Variants in ARHGAP42 observed in about 807,000 individuals in gnomAD.
ARHGAP42 encodes rho GTPase-activating protein 42.
ARHGAP42 carries 63 observed loss-of-function variants against 125.0 expected under a neutral mutation model. The ratio of observed to expected loss-of-function variants is 0.50; its 90% confidence interval spans 0.41 to 0.62. ARHGAP42 has a LOEUF of 0.62. Among genes scored for constraint, ARHGAP42 ranks in the 20% least tolerant of loss-of-function variants. The pLI is 0.00. For synonymous variants in ARHGAP42, 339 were observed against 351.0 expected (o/e 0.97, Z 0.38); for missense variants, 766 against 1,024.2 (o/e 0.75, Z 3.44).
At chr11:100,944,101 A>G (rs529036807) in intron 10 of ARHGAP42, among the ~76,000 whole-genome samples, 2 of 152,220 alleles carry the variant, frequency 1.3e-5, no homozygotes, top group East Asian at 1.9e-4. Flanking sequence ...AAAAATCAAT[A>G]TAAATGACTG....
chr11:100,980,846 C>T (rs1476408406), intron 22 of ARHGAP42, among the ~76,000 whole-genome samples: 15 of 152,226 alleles, frequency 9.9e-5, no homozygotes, highest in Non-Finnish European at 4.4e-5. Context: ...GCTGGGATTA[C>T]AGGCATGAGC....
chr11:100,734,506 C>G (rs1193670239), intron 1 of ARHGAP42, among the ~76,000 whole-genome samples: 1 of 152,160 alleles, frequency 6.6e-6, no homozygotes, highest in East Asian at 1.9e-4. Flanking sequence ...GTCTCGAACT[C>G]CAGACCTCAG....
chr11:100,764,606 T>G lies in ARHGAP42; in HGVS notation c.155-5737T>G, dbSNP rs942555441. On this transcript the variant is annotated intron_variant, in intron 1 of 23. Coordinates refer to ENST00000298815, the MANE Select transcript of ARHGAP42 (RefSeq NM_152432.4). Reference sequence around the variant, plus strand: ...AAGTAGTAAAACATTGTTGTCATCATCATTATTTCTGAAAGTGAATAACTT... The same window carrying G: ...AAGTAGTAAAACATTGTTGTCATCAGCATTATTTCTGAAAGTGAATAACTT... 4.6e-5 allele frequency among the ~76,000 whole-genome samples: 7 copies of G among 152,336 alleles called. No homozygotes were observed. The East Asian group carries it at 1.2e-3, about 25-fold the overall frequency.
At chr11:100,721,239 T>G (rs1187497996) in intron 1 of ARHGAP42, among the ~76,000 whole-genome samples, 1 of 152,180 alleles carries the variant, frequency 6.6e-6, no homozygotes, top group African/African-American at 2.4e-5. Flanking sequence ...ACCCTTCAAT[T>G]CCCTTGTTCT....
intron 2 of ARHGAP42, among the ~76,000 whole-genome samples, chr11:100,793,364 C>T (rs1381365908): frequency 6.6e-6 from 1 of 152,160 alleles, no homozygotes; most frequent in Non-Finnish European, 1.5e-5. Context: ...TGTATTATAA[C>T]ATTAATACCA....
chr11:100,867,474 A>G (rs1255382024), intron 4 of ARHGAP42, among the ~76,000 whole-genome samples: 2 of 152,206 alleles, frequency 1.3e-5, no homozygotes, highest in East Asian at 3.8e-4. Flanking sequence ...TTCCCCATGA[A>G]CCAACCTCTG....
rs549441740 is a variant in ARHGAP42, at chr11:100,989,507, G to A, written c.*706G>A. 2 of 178,340 alleles carry A rather than the reference G, an allele frequency of 1.1e-5. No homozygotes were observed. Among genetic ancestry groups the A allele is most frequent in the South Asian group, 2.0e-4 (1 of 5,094 alleles). The allele number at this position is 178,340 out of a possible 1,614,324, so 11.0% of individuals were successfully genotyped here. A position where few individuals can be genotyped will look rare whatever the true frequency, so the allele number is the denominator to read the frequency against. ...GCCTGATAGCAAATATTTTTGTGGT[G>A]GGTTGAATTTGGCTTATGGGTTATA... On this transcript the variant is annotated 3_prime_UTR_variant, in exon 24 of 24. Transcript: ENST00000298815.
intron 4 of ARHGAP42, among the ~76,000 whole-genome samples, chr11:100,908,553 G>A (rs887952109): frequency 6.6e-6 from 1 of 152,100 alleles, no homozygotes; most frequent in Admixed American, 6.5e-5. Context: ...CATCTATGTT[G>A]CTGTAAGAGA....
intron 17 of ARHGAP42, 125 bp downstream of exon 17, chr11:100,965,901 A>T (rs1858078362): frequency 1.2e-6 from 1 of 833,584 alleles, no homozygotes; most frequent in Non-Finnish European, 1.9e-6. Flanking sequence ...GAATTTGCTT[A>T]AAAAATAGTA....
intron 3 of ARHGAP42, among the ~76,000 whole-genome samples, chr11:100,821,569 T>C (rs1319521977): frequency 6.6e-6 from 1 of 150,584 alleles, no homozygotes; most frequent in African/African-American, 2.4e-5. Context: ...GGGCAAGCTA[T>C]CTTCCTCCTT....
chr11:100,699,671 C>T (rs760682071), intron 1 of ARHGAP42, among the ~76,000 whole-genome samples: 18 of 150,640 alleles, frequency 1.2e-4, no homozygotes, highest in South Asian at 1.1e-3. Context: ...TACAGAGGTG[C>T]GCCACCACGC....
chr11:100,828,906 C>T (rs1864595935), intron 3 of ARHGAP42, among the ~76,000 whole-genome samples: 2 of 152,088 alleles, frequency 1.3e-5, no homozygotes, highest in African/African-American at 4.8e-5. Flanking sequence ...GCCACATGCC[C>T]AGGATGCACA....
At chr11:100,720,572 C>A (rs369139224) in intron 1 of ARHGAP42, among the ~76,000 whole-genome samples, 7 of 152,034 alleles carry the variant, frequency 4.6e-5, no homozygotes, top group Admixed American at 2.0e-4. Context: ...TGGCTAGATT[C>A]AGTGTCTTCA....
chr11:100,784,664 C>CA (rs34518912), intron 2 of ARHGAP42, among the ~76,000 whole-genome samples: 479 of 138,922 alleles, frequency 3.4e-3, no homozygotes, highest in African/African-American at 8.1e-3. Flanking sequence ...ACTTGAGATT[C>CA]AAAAAAAAAA....
At chr11:100,881,837 G>A (rs1399677285) in intron 4 of ARHGAP42, among the ~76,000 whole-genome samples, 2 of 131,078 alleles carry the variant, frequency 1.5e-5, no homozygotes, top group African/African-American at 5.0e-5. Flanking sequence ...GTTTTTGTTT[G>A]TTTGTTTGTT....
chr11:100,871,553 A>AAG (rs1565251813), intron 4 of ARHGAP42, among the ~76,000 whole-genome samples: 5 of 151,374 alleles, frequency 3.3e-5, no homozygotes, highest in Non-Finnish European at 7.4e-5. Context: ...CTTAAAAAAA[A>AAG]AAAAAAAAGA....
intron 1 of ARHGAP42, among the ~76,000 whole-genome samples, chr11:100,739,323 TAAAC>T (rs1217832017): frequency 6.6e-6 from 1 of 152,142 alleles, no homozygotes; most frequent in Non-Finnish European, 1.5e-5. Context: ...ACTTGGTTCT[TAAAC>T]AATCTTGTTT....
At chr11:100,921,410 C>T (rs750228867) in intron 5 of ARHGAP42, 84 bp from the exon 6 acceptor site, 2 of 1,069,010 alleles carry the variant, frequency 1.9e-6, no homozygotes, top group Non-Finnish European at 2.7e-6. Context: ...GTAGGAGTTA[C>T]TTTTTAATAA....
intron 4 of ARHGAP42, among the ~76,000 whole-genome samples, chr11:100,910,649 A>G (rs570820386): frequency 6.6e-6 from 1 of 151,820 alleles, no homozygotes; most frequent in Admixed American, 6.6e-5. Flanking sequence ...TACTAAGTCC[A>G]AATAAGACTT....
Sources: allele counts gnomAD v4.1 joint callset (sites outside exome capture counted in the v4.1 genomes callset), GRCh38; gene constraint gnomAD v4.1.1; transcripts MANE v1.5; gene names NCBI Gene and HGNC (gene_info 2026-07-23, HGNC 2026-07-21).